The following SFMBT2 variants were observed in gnomAD, a reference collection of about 807,000 sequenced individuals.
SFMBT2 encodes Scm like with four mbt domains 2.
SFMBT2 carries 38 observed loss-of-function variants against 110.1 expected under a neutral mutation model. The observed-to-expected ratio is 0.35, with a 90% CI of 0.27 to 0.45. The LOEUF (loss-of-function observed/expected upper bound fraction) is 0.45. Ranked by LOEUF, SFMBT2 falls within the 20% of genes least tolerant of loss-of-function variation. SFMBT2 has a pLI of 1.00. For missense variants in SFMBT2, 1,011 were observed against 1,094.9 expected, an observed-to-expected ratio of 0.92 and a Z score of 1.08; for synonymous variants, 425 against 425.4, an observed-to-expected ratio of 1.00 and a Z score of 0.01.
At chr10:7,401,621 C>T (rs1020940158) in intron 1 of SFMBT2, among the ~76,000 whole-genome samples, 2 of 152,130 alleles carry the variant, frequency 1.3e-5, no homozygotes, top group African/African-American at 2.4e-5. Flanking sequence ...TGAACTCTGC[C>T]CTCTGGTTCA....
chr10:7,313,298 C>T (rs1443144611), intron 4 of SFMBT2, among the ~76,000 whole-genome samples: 2 of 151,898 alleles, frequency 1.3e-5, no homozygotes, highest in African/African-American at 4.8e-5. Flanking sequence ...CCTAGAGGGG[C>T]GAATATAATA....
Position 7,172,549 on chromosome 10 carries a change from G to T in SFMBT2, c.2097C>A (p.Phe699Leu). Residue 699 changes from phenylalanine (F) to leucine (L), a missense_variant, in exon 18 of 21, where the codon TTC (phenylalanine) becomes TTA (leucine). Physicochemically the swap from Phe to Leu is conservative, Grantham distance 22 (BLOSUM62 0). Coordinates refer to ENST00000397167, the MANE Select transcript of SFMBT2 (RefSeq NM_001387889.1). The surrounding 1 kb of genome is among the most constrained non-coding windows in gnomAD (Gnocchi z 4.6). The part of the protein sequence containing the change: ...ARRRKRRKSI[F>L]VQKKRRSSAV... ...CAGAAGACCTCCGTTTCTTCTGCAC[G>T]AAAATGGATTTCCGTCGCTTCCTCC... The T allele has an allele frequency of 6.2e-7, 1 of 1,614,232 alleles. No homozygotes were observed. The highest frequency in any genetic ancestry group is 8.5e-7 in the Non-Finnish European group (1 of 1,180,038).
rs373378439 is a variant in SFMBT2 at position 7,279,923 on chromosome 10, T to C, written c.773-2934A>G. 3.9e-5 allele frequency among the ~76,000 whole-genome samples: 6 copies of C among 152,244 alleles called. No individual in the cohort carries two copies. The South Asian group carries it at 8.3e-4, about 21-fold the overall frequency. On this transcript the variant is annotated intron_variant, in intron 6 of 20. Coordinates refer to ENST00000397167, the MANE Select transcript of SFMBT2 (RefSeq NM_001387889.1). ...AAGATGAATCTATGTTGTTAAAAGA[T>C]AGTAAACGTCAGAGAAAGTGTTATG...
At chr10:7,219,132 T>C (rs1161631624) in intron 11 of SFMBT2, among the ~76,000 whole-genome samples, 1 of 152,204 alleles carries the variant, frequency 6.6e-6, no homozygotes, top group African/African-American at 2.4e-5. Context: ...AATTTAGTCA[T>C]TACAAAATAC....
intron 11 of SFMBT2, chr10:7,215,851 A>T: frequency 2.5e-6 from 1 of 407,430 alleles, no homozygotes; most frequent in Non-Finnish European, 3.3e-6. Context: ...GCTAGGCGGT[A>T]TAGACCCCCA....
intron 10 of SFMBT2, among the ~76,000 whole-genome samples, chr10:7,226,697 G>A (rs1000647898): frequency 5.9e-5 from 9 of 152,208 alleles, no homozygotes; most frequent in Admixed American, 3.9e-4. Flanking sequence ...TCCTAGGATT[G>A]AAGAATTATT....
At chr10:7,186,129 T>C (rs1249186176) in intron 16 of SFMBT2, among the ~76,000 whole-genome samples, 3 of 152,044 alleles carry the variant, frequency 2.0e-5, no homozygotes, top group Non-Finnish European at 4.4e-5. Context: ...CCAGAGACAA[T>C]TGTAGGTAAC....
chr10:7,383,382 C>T (rs1269337222), intron 1 of SFMBT2, among the ~76,000 whole-genome samples: 1 of 152,098 alleles, frequency 6.6e-6, no homozygotes, highest in Non-Finnish European at 1.5e-5. Context: ...GCATGTTACT[C>T]ATTTGTGCAA....
intron 1 of SFMBT2, among the ~76,000 whole-genome samples, chr10:7,388,467 C>T (rs1443169401): frequency 6.6e-6 from 1 of 151,580 alleles, no homozygotes; most frequent in Non-Finnish European, 1.5e-5. Flanking sequence ...AAGCAATTCT[C>T]CTGCCTCAGT....
Position 7,381,856 on chromosome 10 carries a change from A to T in SFMBT2, c.43T>A (p.Ser15Thr). 1 of 1,613,780 alleles carries T rather than the reference A, an allele frequency of 6.2e-7. No homozygotes were observed. Among genetic ancestry groups the T allele is most frequent in the South Asian group, 1.1e-5 (1 of 91,042 alleles). ...CCGAGACACTTTTCCAAGGGTGAAG[A>T]TGAAGGGTCTTGCATATTGGAAGCT... Reference protein sequence around the residue: ...LSASNMQDPSSSPLEKCLGSA... With the variant: ...LSASNMQDPSTSPLEKCLGSA... Residue 15 changes from serine (S) to threonine (T), a missense_variant, in exon 2 of 21, where the codon TCT becomes ACT. Ser to Thr is a moderately conservative substitution (Grantham distance 58). This residue lies in a region of SFMBT2 where 979 missense variants were observed against 1,016.1 expected (regional missense o/e 0.96). Transcript: ENST00000397167.
chr10:7,261,823 G>T (rs1841213856), intron 7 of SFMBT2, among the ~76,000 whole-genome samples: 2 of 152,228 alleles, frequency 1.3e-5, no homozygotes, highest in South Asian at 4.1e-4. Flanking sequence ...CGACAAAACT[G>T]GAGGCAGATT....
chr10:7,370,156 C>T (rs1288278561), intron 3 of SFMBT2, 125 bp downstream of exon 3: 1 of 766,310 alleles, frequency 1.3e-6, no homozygotes, highest in African/African-American at 1.7e-5. Context: ...TGTGAGCCAC[C>T]ATGCCTGGCC....
chr10:7,410,277 G>A (rs1241681858), intron 1 of SFMBT2, among the ~76,000 whole-genome samples: 1 of 152,216 alleles, frequency 6.6e-6, no homozygotes, highest in Non-Finnish European at 1.5e-5. Flanking sequence ...GTTTCCAAGG[G>A]AGCGATTCCG....
intron 1 of SFMBT2, among the ~76,000 whole-genome samples, chr10:7,385,822 AC>A (rs1164300219): frequency 6.6e-6 from 1 of 151,974 alleles, no homozygotes; most frequent in Non-Finnish European, 1.5e-5. Context: ...ACACGGTGAA[AC>A]CCCGTCTCTA....
intron 8 of SFMBT2, among the ~76,000 whole-genome samples, chr10:7,246,443 G>A (rs1408281105): frequency 6.7e-5 from 10 of 149,594 alleles, no homozygotes; most frequent in South Asian, 6.3e-4. Context: ...GAGAGAGGCC[G>A]GGTGCAGTGG....
Position 7,171,072 on chromosome 10 carries a change from A to G in SFMBT2, c.2416-16T>C. ...GTTTCGTGTCCTGCAGAGAAAGGGC[A>G]GGAGGAGCTCAGCTGCGGCACAGTC... On this transcript the variant is annotated splice_polypyrimidine_tract_variant and intron_variant, in intron 19 of 20. Transcript: ENST00000397167. The surrounding 1 kb of genome is among the most constrained non-coding windows in gnomAD (Gnocchi z 4.9). 1 of 1,613,970 alleles carries G rather than the reference A, an allele frequency of 6.2e-7. No homozygotes were observed. Among genetic ancestry groups the G allele is most frequent in the East Asian group, 2.2e-5 (1 of 44,872 alleles).
At chr10:7,365,206 C>T (rs529236910) in intron 4 of SFMBT2, among the ~76,000 whole-genome samples, 8 of 152,198 alleles carry the variant, frequency 5.3e-5, no homozygotes, top group Non-Finnish European at 8.8e-5. Context: ...TTAAGAACAG[C>T]CATTCTCCAG....
intron 4 of SFMBT2, among the ~76,000 whole-genome samples, chr10:7,318,797 G>A (rs1174588218): frequency 1.3e-5 from 2 of 152,218 alleles, no homozygotes; most frequent in African/African-American, 4.8e-5. Flanking sequence ...ATGCTAAAAA[G>A]GGAAATAAAT....
chr10:7,392,732 G>A (rs1349635040), intron 1 of SFMBT2, among the ~76,000 whole-genome samples: 1 of 151,744 alleles, frequency 6.6e-6, no homozygotes, highest in African/African-American at 2.4e-5. Flanking sequence ...TTTCAACTTA[G>A]TCAGATCTAT....
Sources: gnomAD v4.1 joint callset for allele counts (sites outside exome capture counted in the v4.1 genomes callset) on GRCh38, gnomAD v4.1.1 for gene constraint, gnomAD v4.1.1 regional missense constraint, Gnocchi (gnomAD v3.1) non-coding constraint, MANE v1.5 for transcripts, NCBI Gene and HGNC (gene_info 2026-07-23, HGNC 2026-07-21) for gene names.